Variants in AHCY observed in about 807,000 individuals in gnomAD.
The protein encoded by AHCY is S-adenosyl-L-homocysteine hydrolase.
AHCY carries 24 observed loss-of-function variants against 45.4 expected under a neutral mutation model. The observed-to-expected ratio is 0.53, with a 90% CI of 0.38 to 0.74. The LOEUF (loss-of-function observed/expected upper bound fraction) is 0.74. AHCY is among the 30% of genes least tolerant of loss of function. The pLI is 0.00. For synonymous variants in AHCY, 245 were observed against 235.1 expected (o/e 1.04, Z -0.39); for missense variants, 449 against 594.1 (o/e 0.76, Z 2.54).
intron 1 of AHCY, chr20:34,302,952 G>T: frequency 2.0e-6 from 2 of 985,452 alleles, no homozygotes; most frequent in Non-Finnish European, 2.4e-6. Flanking sequence ...CCAGGCCGTG[G>T]CCAGGTGTGC....
intron 9 of AHCY, 42 bp from the exon 10 acceptor site, chr20:34,281,207 C>A (rs1284876267): frequency 6.2e-7 from 1 of 1,610,626 alleles, no homozygotes; most frequent in Admixed American, 1.7e-5. Context: ...GTGCCATTTT[C>A]TGGGACCCCT....
chr20:34,304,978 G>A (rs1337101731), upstream of AHCY, among the ~76,000 whole-genome samples: 6 of 150,616 alleles, frequency 4.0e-5, no homozygotes, highest in Admixed American at 2.6e-4. Context: ...GTGAGCCACC[G>A]TGCCCGGCCT....
At chr20:34,258,700 A>ATATATATATATATATACATACACACATAC in the AHCY span, among the ~76,000 whole-genome samples, 1 of 77,918 alleles carries the variant, frequency 1.3e-5, no homozygotes, top group African/African-American at 4.7e-5. Flanking sequence ...TACATACTAT[A>ATATATATATATATATACATACACACATAC]TATATATATT....
At chr20:34,262,207 G>T in the AHCY span, among the ~76,000 whole-genome samples, 2 of 152,164 alleles carry the variant, frequency 1.3e-5, no homozygotes, top group Non-Finnish European at 2.9e-5. Flanking sequence ...GATCTTCAGT[G>T]TAACAGACTT....
At chr20:34,295,312 C>G in intron 2 of AHCY, 83 bp downstream of exon 2, 1 of 1,552,970 alleles carries the variant, frequency 6.4e-7, no homozygotes, top group Non-Finnish European at 8.8e-7. Flanking sequence ...CCTGGAAGGT[C>G]CCCACCCTGG....
At chr20:34,242,047 A>T in the AHCY span, among the ~76,000 whole-genome samples, 4 of 152,168 alleles carry the variant, frequency 2.6e-5, no homozygotes, top group African/African-American at 9.7e-5. Context: ...CCATTAAAGG[A>T]AGCTCAGGTT....
chr20:34,288,094 G>A (rs2077554494), intron 8 of AHCY, among the ~76,000 whole-genome samples: 1 of 152,208 alleles, frequency 6.6e-6, no homozygotes, highest in Non-Finnish European at 1.5e-5. Context: ...AGGCCTTCTA[G>A]GCAGAGATGG....
At chr20:34,293,945 G>A (rs1453298087) in intron 3 of AHCY, 136 bp downstream of exon 3, 22 of 872,546 alleles carry the variant, frequency 2.5e-5, no homozygotes, top group Middle Eastern at 2.1e-4. Context: ...CTGTGGGGTC[G>A]CTGGGCTAGG....
rs819153 is a variant in AHCY at position 34,298,609 on chromosome 20, A to C, written c.29-3024T>G. ...CAGACTGGGAAGTGGCGGCGGCGGG[A>C]GGGGGGGGGGTGTCTCCCTTTCCCC... On this transcript the variant is annotated intron_variant, in intron 1 of 9. Coordinates refer to ENST00000217426, the MANE Select transcript of AHCY (RefSeq NM_000687.4). Among the ~76,000 whole-genome samples, 124 of 83,154 alleles carry C rather than the reference A, an allele frequency of 1.5e-3. 1 individual carries two copies. The highest frequency in any genetic ancestry group is 3.8e-3 in the African/African-American group (111 of 29,220). The allele number at this position is 83,154 out of a possible 152,430, so 54.6% of individuals were successfully genotyped here.
the AHCY span, among the ~76,000 whole-genome samples, chr20:34,258,690 T>TATATATATATATATAC: frequency 2.2e-4 from 16 of 72,306 alleles, 2 homozygotes; most frequent in African/African-American, 1.1e-3. Context: ...TATATATATA[T>TATATATATATATATAC]ACATACTATA....
intron 9 of AHCY, 85 bp downstream of exon 9, chr20:34,285,355 C>T (rs955717015): frequency 2.4e-5 from 36 of 1,491,436 alleles, no homozygotes; most frequent in Non-Finnish European, 2.9e-5. Flanking sequence ...GACAGGCAAG[C>T]ACTTTATAAA....
chr20:34,249,543 G>A, the AHCY span, among the ~76,000 whole-genome samples: 4 of 152,176 alleles, frequency 2.6e-5, no homozygotes, highest in African/African-American at 9.7e-5. Flanking sequence ...TGAGCATGCA[G>A]CTTGTGTAGC....
At chr20:34,271,139 G>A in the AHCY span, among the ~76,000 whole-genome samples, 1 of 151,736 alleles carries the variant, frequency 6.6e-6, no homozygotes, top group Non-Finnish European at 1.5e-5. Context: ...ACAGGGTTTC[G>A]CCATGATGGC....
At chr20:34,289,185 T>C (rs1312174941) in intron 8 of AHCY, among the ~76,000 whole-genome samples, 2 of 151,914 alleles carry the variant, frequency 1.3e-5, no homozygotes, top group Non-Finnish European at 2.9e-5. Context: ...TTTGTTTGTT[T>C]GTTTTTGAGA....
At chr20:34,294,031 G>C (rs774347635) in intron 3 of AHCY, 50 bp downstream of exon 3, 17 of 1,569,676 alleles carry the variant, frequency 1.1e-5, no homozygotes, top group Non-Finnish European at 1.5e-5. Flanking sequence ...GAAGCAAAGA[G>C]GGCAGAATCC....
At chr20:34,289,554 C>A (rs982775605) in intron 8 of AHCY, among the ~76,000 whole-genome samples, 8 of 145,652 alleles carry the variant, frequency 5.5e-5, no homozygotes, top group African/African-American at 2.1e-4. Context: ...CGGCTCACTG[C>A]AACCTCCGCC....
chr20:34,265,852 A>C, the AHCY span, among the ~76,000 whole-genome samples: 1 of 150,896 alleles, frequency 6.6e-6, no homozygotes, highest in Non-Finnish European at 1.5e-5. Flanking sequence ...CAGGAGACTG[A>C]GGCAGGAGAA....
chr20:34,306,656 A>C (rs2036899509), upstream of AHCY, among the ~76,000 whole-genome samples: 1 of 152,196 alleles, frequency 6.6e-6, no homozygotes, highest in Non-Finnish European at 1.5e-5. Flanking sequence ...GGTGTAAGCC[A>C]CCACGCCCAG....
the AHCY span, among the ~76,000 whole-genome samples, chr20:34,264,103 TA>T: frequency 6.6e-6 from 1 of 152,230 alleles, no homozygotes; most frequent in East Asian, 1.9e-4. Context: ...GATACTAGTC[TA>T]TTTTATCACT....
Sources: allele counts gnomAD v4.1 joint callset (sites outside exome capture counted in the v4.1 genomes callset), GRCh38; gene constraint gnomAD v4.1.1; transcripts MANE v1.5; gene names NCBI Gene and HGNC (gene_info 2026-07-23, HGNC 2026-07-21).